CAMK2D: variants seen among roughly 807,000 people sequenced by gnomAD.
The protein encoded by CAMK2D is calcium/calmodulin-dependent protein kinase type II subunit delta.
A neutral mutation model predicts 84.0 loss-of-function variants in CAMK2D; 37 were observed. That is an observed-to-expected ratio of 0.44 (90% CI 0.34 to 0.58). The LOEUF is 0.58. CAMK2D is among the 20% of genes least tolerant of loss of function. The pLI, the probability that CAMK2D is intolerant of heterozygous loss-of-function variation, is 0.02. For missense variants in CAMK2D, 448 were observed against 652.5 expected (o/e 0.69, Z 3.41); for synonymous variants, 202 against 212.5 (o/e 0.95, Z 0.43).
chr4:113,521,921 C>T (rs1342313331), intron 8 of CAMK2D, among the ~76,000 whole-genome samples: 4 of 152,222 alleles, frequency 2.6e-5, no homozygotes, highest in African/African-American at 9.6e-5. Flanking sequence ...TTATGTTTCA[C>T]ATGTTCCATG....
intron 3 of CAMK2D, among the ~76,000 whole-genome samples, chr4:113,650,697 G>T (rs2099169200): frequency 6.6e-6 from 1 of 152,072 alleles, no homozygotes; most frequent in Non-Finnish European, 1.5e-5. Context: ...ATGAAAAATA[G>T]ATAAGACAAA....
At chr4:113,682,519 C>T (rs1053920237) in intron 2 of CAMK2D, among the ~76,000 whole-genome samples, 1 of 151,874 alleles carries the variant, frequency 6.6e-6, no homozygotes, top group African/African-American at 2.4e-5. Context: ...TCATTTACTT[C>T]AGTACCATTC....
chr4:113,457,550 G>A lies in CAMK2D; in HGVS notation c.1320C>T (p.Ser440=). Residue 440 remains serine, a synonymous_variant, in exon 19 of 21, where the codon AGC becomes AGT. Transcript: ENST00000511664. ...GAATAATAGTGTGGATTGGTTTATT[G>A]CTTTTGGACAAAGCTGAAAGAGAAA... ...RFYFENALSK[S]NKPIHTIILN... 6.2e-7 allele frequency: 1 copy of A among 1,612,482 alleles called. No homozygotes were observed. The highest frequency in any genetic ancestry group is 8.5e-7 in the Non-Finnish European group (1 of 1,179,248).
At chr4:113,610,849 C>T (rs1026474397) in intron 3 of CAMK2D, among the ~76,000 whole-genome samples, 8 of 152,124 alleles carry the variant, frequency 5.3e-5, no homozygotes, top group African/African-American at 1.7e-4. Context: ...ACCTTTAATA[C>T]CTTTCCCTTC....
At chr4:113,528,418 C>T (rs2098436371) in intron 8 of CAMK2D, among the ~76,000 whole-genome samples, 1 of 152,024 alleles carries the variant, frequency 6.6e-6, no homozygotes, top group South Asian at 2.1e-4. Flanking sequence ...ACTATACATA[C>T]TGCCTCTTAC....
intron 3 of CAMK2D, among the ~76,000 whole-genome samples, chr4:113,643,438 C>G (rs2099140095): frequency 6.6e-6 from 1 of 152,156 alleles, no homozygotes; most frequent in African/African-American, 2.4e-5. Flanking sequence ...GTGTGTAGAA[C>G]AAATAGTCCA....
At chr4:113,470,895 T>C (rs2097540110) in intron 16 of CAMK2D, among the ~76,000 whole-genome samples, 1 of 152,240 alleles carries the variant, frequency 6.6e-6, no homozygotes, top group African/African-American at 2.4e-5. Context: ...GAATGAATAG[T>C]AGGTCCAGAA....
rs574294892 is a variant in CAMK2D at position 113,516,606 on chromosome 4, T to TGACA, written c.696+953_696+956dup. 4.1e-3 allele frequency among the ~76,000 whole-genome samples: 586 copies of TGACA among 143,072 alleles called. 5 individuals carry two copies. Among genetic ancestry groups the TGACA allele is most frequent in the African/African-American group, 0.016 (566 of 36,300 alleles). The allele number at this position is 143,072 out of a possible 152,430, so 93.9% of individuals were successfully genotyped here. A position where few individuals can be genotyped will look rare whatever the true frequency, so the allele number is the denominator to read the frequency against. ...AAGAATATACATTTTTAATTCTTGC[T>TGACA]GACACACACATCCATCTAAATAGAA... On this transcript the variant is annotated intron_variant, in intron 9 of 20. Transcript: ENST00000511664.
At chr4:113,690,645 G>A (rs564848319) in intron 2 of CAMK2D, among the ~76,000 whole-genome samples, 17 of 152,146 alleles carry the variant, frequency 1.1e-4, no homozygotes, top group South Asian at 4.2e-4. Flanking sequence ...TTTTTGCCAC[G>A]TATGATGATT....
At chr4:113,549,988 C>T (rs1013019066) in intron 5 of CAMK2D, among the ~76,000 whole-genome samples, 10 of 152,074 alleles carry the variant, frequency 6.6e-5, no homozygotes, top group Non-Finnish European at 1.2e-4. Flanking sequence ...TCACTTTGCA[C>T]TACTCTTTAA....
At position 113,625,061 on chromosome 4, in the gene CAMK2D, T is replaced by C. The variant is rs2099061814; in HGVS notation, c.221-15855A>G. Among the ~76,000 whole-genome samples, 4 of 152,320 alleles carry C rather than the reference T, an allele frequency of 2.6e-5. No individual in the cohort carries two copies. The South Asian group carries it at 8.3e-4, about 32-fold the overall frequency. On this transcript the variant is annotated intron_variant, in intron 3 of 20. Transcript: ENST00000511664. ...GAGACCACCTGCCTAGTCAGCCAGATGTCTGGTGATCAATGGAGCAGATAC... is the reference window on the plus strand; with the variant it reads ...GAGACCACCTGCCTAGTCAGCCAGACGTCTGGTGATCAATGGAGCAGATAC...
intron 8 of CAMK2D, among the ~76,000 whole-genome samples, chr4:113,519,362 G>C (rs2098328004): frequency 6.6e-6 from 1 of 152,146 alleles, no homozygotes; most frequent in Non-Finnish European, 1.5e-5. Context: ...GGAAGAGGAA[G>C]CTCACAGAGG....
intron 2 of CAMK2D, among the ~76,000 whole-genome samples, chr4:113,676,596 G>A (rs1414692879): frequency 6.6e-6 from 1 of 152,186 alleles, no homozygotes; most frequent in Non-Finnish European, 1.5e-5. Context: ...CTGGCATAAT[G>A]ACTATTGTGA....
intron 13 of CAMK2D, among the ~76,000 whole-genome samples, chr4:113,506,229 A>T (rs1292921162): frequency 6.6e-6 from 1 of 152,148 alleles, no homozygotes; most frequent in East Asian, 1.9e-4. Context: ...CAAAACTAGT[A>T]TTGAGAGGAA....
chr4:113,667,624 G>C (rs911929134), intron 2 of CAMK2D, among the ~76,000 whole-genome samples: 8 of 152,152 alleles, frequency 5.3e-5, no homozygotes, highest in African/African-American at 1.9e-4. Context: ...TTTAAGAACA[G>C]ACTGCAAGGT....
intron 2 of CAMK2D, among the ~76,000 whole-genome samples, chr4:113,715,766 T>TGATCAAGTA (rs2099511623): frequency 6.6e-6 from 1 of 152,200 alleles, no homozygotes; most frequent in East Asian, 1.9e-4. Context: ...CAAATTCGCT[T>TGATCAAGTA]GATCAAGTAA....
chr4:113,647,993 T>C (rs185888745), intron 3 of CAMK2D, among the ~76,000 whole-genome samples: 41 of 152,314 alleles, frequency 2.7e-4, no homozygotes, highest in Middle Eastern at 3.4e-3. Flanking sequence ...AGAAATTATT[T>C]GGGAGAAGGA....
intron 19 of CAMK2D, 108 bp from the exon 20 acceptor site, chr4:113,455,929 G>T: frequency 1.5e-6 from 1 of 669,324 alleles, no homozygotes; most frequent in Non-Finnish European, 2.7e-6. Flanking sequence ...TAAACCCCTG[G>T]TACTGTATGA....
chr4:113,585,303 T>C (rs967137733), intron 4 of CAMK2D, among the ~76,000 whole-genome samples: 6 of 152,166 alleles, frequency 3.9e-5, no homozygotes, highest in Admixed American at 3.9e-4. Context: ...ACGTGAGGAA[T>C]TTCAGATTTG....
Sources: allele counts gnomAD v4.1 joint callset (sites outside exome capture counted in the v4.1 genomes callset), GRCh38; gene constraint gnomAD v4.1.1; transcripts MANE v1.5; gene names NCBI Gene and HGNC (gene_info 2026-07-23, HGNC 2026-07-21).